PRKN: variants seen among roughly 807,000 people sequenced by gnomAD.
PRKN encodes parkin RBR E3 ubiquitin protein ligase, also known as E3 ubiquitin-protein ligase parkin.
A neutral mutation model predicts 59.5 loss-of-function variants in PRKN; 56 were observed. That is an observed-to-expected ratio of 0.94 (90% CI 0.76 to 1.18). The LOEUF is 1.18. Ranked by LOEUF, PRKN falls within the 50% of genes most tolerant of loss-of-function variation. PRKN has a pLI of 0.00. For synonymous variants in PRKN, 250 were observed against 222.1 expected, an observed-to-expected ratio of 1.13 and a Z score of -1.12; for missense variants, 657 against 596.4, an observed-to-expected ratio of 1.10 and a Z score of -1.06.
At chr6:161,922,361 T>G (rs1307305899) in intron 6 of PRKN, among the ~76,000 whole-genome samples, 2 of 152,168 alleles carry the variant, frequency 1.3e-5, no homozygotes, top group African/African-American at 2.4e-5. Context: ...ATTCAGAGGT[T>G]CCATTGTTTT....
intron 6 of PRKN, among the ~76,000 whole-genome samples, chr6:161,834,000 C>T (rs1428834008): frequency 2.0e-5 from 3 of 152,132 alleles, no homozygotes. Flanking sequence ...ACATGGAACT[C>T]TGGACTTTTT....
chr6:162,249,488 A>C (rs775797183), intron 3 of PRKN, among the ~76,000 whole-genome samples: 25 of 152,198 alleles, frequency 1.6e-4, no homozygotes, highest in Admixed American at 1.3e-4. Context: ...CAGGTTTACT[A>C]CCTGGCTATT....
chr6:162,314,618 T>C (rs1782668570), intron 2 of PRKN, among the ~76,000 whole-genome samples: 1 of 152,144 alleles, frequency 6.6e-6, no homozygotes, highest in African/African-American at 2.4e-5. Flanking sequence ...CCCCTGACTG[T>C]CCTCTTGTGG....
chr6:161,370,591 C>CAAAAAAAAAAAAAAAAAAAAAA (rs560655971), intron 10 of PRKN, among the ~76,000 whole-genome samples: 4 of 57,836 alleles, frequency 6.9e-5, no homozygotes, highest in Non-Finnish European at 1.2e-4. Flanking sequence ...GACTCTGTGT[C>CAAAAAAAAAAAAAAAAAAAAAA]AAAAAAAAAA....
intron 5 of PRKN, among the ~76,000 whole-genome samples, chr6:162,039,830 A>C (rs983411925): frequency 6.6e-6 from 1 of 152,226 alleles, no homozygotes; most frequent in African/African-American, 2.4e-5. Context: ...TATATATCAA[A>C]GTGTGTATAG....
At chr6:161,738,250 T>C (rs1272781979) in intron 7 of PRKN, among the ~76,000 whole-genome samples, 1 of 152,180 alleles carries the variant, frequency 6.6e-6, no homozygotes, top group East Asian at 1.9e-4. Flanking sequence ...TTCTCAGGAA[T>C]TTAATCCAGG....
chr6:161,992,985 A>C (rs888977399), intron 5 of PRKN, among the ~76,000 whole-genome samples: 22 of 152,258 alleles, frequency 1.4e-4, no homozygotes, highest in African/African-American at 5.3e-4. Flanking sequence ...TATAGCAATA[A>C]ACACCTACAT....
chr6:161,385,892 CGAG>C lies in PRKN; in HGVS notation c.1167+899_1167+901del, dbSNP rs1786218691. 6.6e-6 allele frequency among the ~76,000 whole-genome samples: 1 copy of C among 152,168 alleles called. No homozygotes were observed. ...TCATGGCTGGCAATTTAGGAGCAGA[CGAG>C]AAGACCCAAATTCACCAGTTCTATT... On this transcript the variant is annotated intron_variant, in intron 10 of 11. Transcript: ENST00000366898. This position sits in a 1 kb window ranked among gnomAD's most constrained non-coding sequence, Gnocchi z 4.9.
intron 6 of PRKN, among the ~76,000 whole-genome samples, chr6:161,912,393 G>T (rs1778396412): frequency 6.6e-6 from 1 of 151,932 alleles, no homozygotes; most frequent in African/African-American, 2.4e-5. Context: ...AACCATTCTT[G>T]GCAAAAGGCA....
intron 1 of PRKN, among the ~76,000 whole-genome samples, chr6:162,548,004 T>C (rs899150000): frequency 6.6e-6 from 1 of 152,172 alleles, no homozygotes; most frequent in Non-Finnish European, 1.5e-5. Context: ...CGAGACACCA[T>C]TAACCTCCCT....
chr6:162,318,385 T>C (rs995763772), intron 2 of PRKN, among the ~76,000 whole-genome samples: 6 of 152,082 alleles, frequency 3.9e-5, no homozygotes, highest in South Asian at 2.1e-4. Context: ...CACTTATTCA[T>C]TGATGGACAT....
chr6:161,828,893 G>C, intron 6 of PRKN, among the ~76,000 whole-genome samples: 1 of 150,328 alleles, frequency 6.7e-6, no homozygotes. Flanking sequence ...TCACGCCATT[G>C]CACTCTAGTC....
At chr6:161,738,800 G>T (rs1215260520) in intron 7 of PRKN, among the ~76,000 whole-genome samples, 1 of 152,176 alleles carries the variant, frequency 6.6e-6, no homozygotes, top group East Asian at 1.9e-4. Context: ...GAAGTCAAAT[G>T]TGAGTGCTGG....
At chr6:161,852,711 C>T (rs1793489462) in intron 6 of PRKN, among the ~76,000 whole-genome samples, 1 of 151,958 alleles carries the variant, frequency 6.6e-6, no homozygotes, top group Admixed American at 6.6e-5. Context: ...CACATAAAAC[C>T]CCTGAATGTA....
chr6:161,734,907 A>C (rs1371649146), intron 7 of PRKN, among the ~76,000 whole-genome samples: 1 of 152,084 alleles, frequency 6.6e-6, no homozygotes, highest in Non-Finnish European at 1.5e-5. Context: ...CTGAATGTGG[A>C]TATCACCACT....
rs1779063668 is a variant in PRKN, at chr6:161,527,648, T to G, written c.1083+21206A>C. ...AAAGAGGACACGCACTGCATCTTCTTCCCTTGCACTTCCTTTTACTACTAG... is the reference window on the plus strand; with the variant it reads ...AAAGAGGACACGCACTGCATCTTCTGCCCTTGCACTTCCTTTTACTACTAG... On this transcript the variant is annotated intron_variant, in intron 9 of 11. Transcript: ENST00000366898. The surrounding 1 kb of genome is among the most constrained non-coding windows in gnomAD (Gnocchi z 4.6). Among the ~76,000 whole-genome samples, 1 of 152,242 alleles carries G rather than the reference T, an allele frequency of 6.6e-6. No individual in the cohort carries two copies. Among genetic ancestry groups the G allele is most frequent in the South Asian group, 2.1e-4 (1 of 4,826 alleles).
At chr6:161,500,876 C>CTTT (rs34247928) in intron 9 of PRKN, among the ~76,000 whole-genome samples, 7,746 of 115,314 alleles carry the variant, frequency 0.067, 492 homozygotes, top group African/African-American at 0.14. Context: ...TTTTTTTTTT[C>CTTT]TTTTTTTTTT....
intron 1 of PRKN, among the ~76,000 whole-genome samples, chr6:162,522,312 T>C (rs951513381): frequency 6.6e-6 from 1 of 152,088 alleles, no homozygotes; most frequent in Non-Finnish European, 1.5e-5. Context: ...TTTGTAGAGA[T>C]GGGGTTTTGC....
intron 9 of PRKN, among the ~76,000 whole-genome samples, chr6:161,500,718 G>A (rs1322664027): frequency 6.6e-6 from 1 of 152,068 alleles, no homozygotes; most frequent in Non-Finnish European, 1.5e-5. Context: ...GGACACCTTG[G>A]TTGCTTCCCA....
Sources: allele counts gnomAD v4.1 joint callset (sites outside exome capture counted in the v4.1 genomes callset), GRCh38; gene constraint gnomAD v4.1.1; non-coding constraint Gnocchi (gnomAD v3.1); transcripts MANE v1.5; gene names NCBI Gene and HGNC (gene_info 2026-07-23, HGNC 2026-07-21).